Variants in TENM2 observed in about 807,000 individuals in gnomAD.
TENM2 encodes teneurin transmembrane protein 2, also known as teneurin-2.
In TENM2, 52 loss-of-function variants were observed where a neutral mutation model predicts 245.2. That is an observed-to-expected ratio of 0.21 (90% confidence interval 0.17 to 0.27). The LOEUF is 0.27. Ranked by LOEUF, TENM2 falls within the 10% of genes least tolerant of loss-of-function variation. The probability of loss-of-function intolerance (pLI) is 1.00; values close to 1 mark genes in which losing one functional copy is unlikely to be tolerated. For synonymous variants in TENM2, 1,363 were observed against 1,438.9 expected (o/e 0.95, Z 1.19); for missense variants, 3,046 against 3,666.8 (o/e 0.83, Z 4.37).
intron 2 of TENM2, among the ~76,000 whole-genome samples, chr5:167,443,808 G>A (rs938920856): frequency 4.6e-5 from 7 of 151,932 alleles, no homozygotes; most frequent in African/African-American, 1.7e-4. Flanking sequence ...CTTGAAAACA[G>A]GGGACTTATT....
the TENM2 span, among the ~76,000 whole-genome samples, chr5:167,263,388 C>A: frequency 2.0e-5 from 3 of 152,118 alleles, no homozygotes; most frequent in Non-Finnish European, 4.4e-5. Flanking sequence ...AGCTGGAATT[C>A]GAAGCCATGG....
intron 2 of TENM2, among the ~76,000 whole-genome samples, chr5:167,823,228 A>G (rs1056450571): frequency 6.6e-5 from 10 of 152,142 alleles, no homozygotes; most frequent in African/African-American, 2.4e-4. Flanking sequence ...CATATTTTGC[A>G]GATTGGTGGA....
intron 2 of TENM2, among the ~76,000 whole-genome samples, chr5:167,865,368 G>C (rs1352305150): frequency 6.6e-6 from 1 of 151,958 alleles, no homozygotes; most frequent in Non-Finnish European, 1.5e-5. Flanking sequence ...CGACCTCCTG[G>C]GCTCAAGCAG....
chr5:167,772,484 G>A (rs931594376), intron 2 of TENM2, among the ~76,000 whole-genome samples: 1 of 152,002 alleles, frequency 6.6e-6, no homozygotes, highest in African/African-American at 2.4e-5. Flanking sequence ...TATCCCAGTG[G>A]GCATTCTCCT....
At chr5:167,590,396 A>G (rs1296386919) in intron 2 of TENM2, among the ~76,000 whole-genome samples, 1 of 152,084 alleles carries the variant, frequency 6.6e-6, no homozygotes, top group Non-Finnish European at 1.5e-5. Context: ...TGTTATAATG[A>G]CATTAACTTG....
At chr5:168,096,650 A>C (rs546538453) in intron 8 of TENM2, among the ~76,000 whole-genome samples, 11 of 152,344 alleles carry the variant, frequency 7.2e-5, no homozygotes, top group African/African-American at 2.4e-4. Flanking sequence ...AATCAGGTTT[A>C]AAGGCAACAC....
chr5:167,074,156 C>T, the TENM2 span, among the ~76,000 whole-genome samples: 1 of 152,154 alleles, frequency 6.6e-6, no homozygotes, highest in Non-Finnish European at 1.5e-5. Context: ...GCTAGAACAT[C>T]AGCTACAGCA....
intron 13 of TENM2, among the ~76,000 whole-genome samples, chr5:168,180,075 C>T (rs561046420): frequency 5.3e-5 from 8 of 152,152 alleles, no homozygotes; most frequent in African/African-American, 1.9e-4. Context: ...TGGGCCTGAT[C>T]ACCAAAAGCC....
chr5:167,810,399 T>A (rs1333961757), intron 2 of TENM2, among the ~76,000 whole-genome samples: 1 of 152,066 alleles, frequency 6.6e-6, no homozygotes, highest in Non-Finnish European at 1.5e-5. Flanking sequence ...GTCCTTTTAT[T>A]TCTTTAAATC....
the TENM2 span, among the ~76,000 whole-genome samples, chr5:167,163,177 G>A: frequency 9.2e-5 from 14 of 152,214 alleles, no homozygotes; most frequent in Admixed American, 7.8e-4. Flanking sequence ...ATTATAACCC[G>A]CTGCAGCCTC....
At chr5:168,079,758 C>G (rs1436052411) in intron 7 of TENM2, among the ~76,000 whole-genome samples, 3 of 152,212 alleles carry the variant, frequency 2.0e-5, no homozygotes, top group Non-Finnish European at 2.9e-5. Flanking sequence ...GTTGAACCAG[C>G]CTTGCATCCC....
chr5:167,759,404 G>T (rs1453000010), intron 2 of TENM2, among the ~76,000 whole-genome samples: 3 of 152,006 alleles, frequency 2.0e-5, no homozygotes, highest in Non-Finnish European at 4.4e-5. Flanking sequence ...CTCACATTCT[G>T]TACATGGAAA....
chr5:167,722,428 A>G (rs1325395310), intron 2 of TENM2, among the ~76,000 whole-genome samples: 1 of 152,242 alleles, frequency 6.6e-6, no homozygotes, highest in African/African-American at 2.4e-5. Context: ...AGATATAGGT[A>G]GAGATACAGC....
chr5:167,479,363 A>G (rs1767613354), intron 2 of TENM2, among the ~76,000 whole-genome samples: 1 of 152,142 alleles, frequency 6.6e-6, no homozygotes, highest in Admixed American at 6.5e-5. Context: ...TTGGGGTCCT[A>G]CTCTCCCAAA....
the TENM2 span, among the ~76,000 whole-genome samples, chr5:167,077,433 A>C: frequency 1.3e-5 from 2 of 152,216 alleles, no homozygotes; most frequent in Admixed American, 1.3e-4. Flanking sequence ...ATCTTGCTCA[A>C]GTTTGTACAA....
intron 2 of TENM2, among the ~76,000 whole-genome samples, chr5:167,844,844 G>GC (rs1242189957): frequency 2.5e-5 from 2 of 79,438 alleles, no homozygotes; most frequent in Non-Finnish European, 5.7e-5. Context: ...TTTGGTAGTG[G>GC]CCAAAAAAAA....
At chr5:168,047,353 A>T in intron 5 of TENM2, 74 bp from the exon 8 acceptor site, 1 of 1,525,478 alleles carries the variant, frequency 6.6e-7, no homozygotes. Flanking sequence ...GGAAAAGGGC[A>T]CCTGGCCCTC....
At chr5:168,208,722 G>A (rs1470148886) in intron 19 of TENM2, among the ~76,000 whole-genome samples, 1 of 152,180 alleles carries the variant, frequency 6.6e-6, no homozygotes, top group African/African-American at 2.4e-5. Context: ...ATAAAATTTT[G>A]GAGACTGATT....
intron 2 of TENM2, chr5:167,755,278 T>C: frequency 1.0e-6 from 1 of 969,586 alleles, no homozygotes; most frequent in Non-Finnish European, 1.6e-6. Context: ...ACTTTAACCC[T>C]TCAGCGGATA....
Sources: allele counts gnomAD v4.1 joint callset (sites outside exome capture counted in the v4.1 genomes callset), GRCh38; gene constraint gnomAD v4.1.1; transcripts MANE v1.5; gene names NCBI Gene and HGNC (gene_info 2026-07-23, HGNC 2026-07-21).